The following DOCK3 variants were observed in gnomAD, a reference collection of about 807,000 sequenced individuals.
DOCK3 encodes dedicator of cytokinesis 3, also known as dedicator of cytokinesis protein 3.
A neutral mutation model predicts 265.6 loss-of-function variants in DOCK3; 60 were observed. The ratio of observed to expected loss-of-function variants is 0.23; its 90% CI spans 0.18 to 0.28. The LOEUF is 0.28. Ranked by LOEUF, DOCK3 falls within the 10% of genes least tolerant of loss-of-function variation. DOCK3 has a pLI of 1.00. For synonymous variants in DOCK3, 881 were observed against 938.0 expected, an observed-to-expected ratio of 0.94 and a Z score of 1.11; for missense variants, 1,981 against 2,594.3, an observed-to-expected ratio of 0.76 and a Z score of 5.14.
chr3:50,700,742 G>A (rs2035986331), intron 1 of DOCK3, among the ~76,000 whole-genome samples: 1 of 152,186 alleles, frequency 6.6e-6, no homozygotes, highest in Non-Finnish European at 1.5e-5. Flanking sequence ...TGATAAACAT[G>A]AGAGTGCCAG....
At chr3:51,276,308 C>A in intron 25 of DOCK3, 1 of 953,476 alleles carries the variant, frequency 1.0e-6, no homozygotes, top group Non-Finnish European at 1.2e-6. Flanking sequence ...TCCCACCAGG[C>A]CTCAGAGAAG....
chr3:50,719,226 C>T lies in DOCK3; in HGVS notation c.37+43926C>T, dbSNP rs181273573. Reference sequence around the variant, plus strand: ...GATCAAGTTTTACATGTCTATTATACTCTTACTTGTTTTTTCCTCTCTGTT... The same window carrying T: ...GATCAAGTTTTACATGTCTATTATATTCTTACTTGTTTTTTCCTCTCTGTT... On this transcript the variant is annotated intron_variant, in intron 1 of 52. Transcript: ENST00000266037. Among the ~76,000 whole-genome samples the T allele has an allele frequency of 3.3e-3, 491 of 149,794 alleles. 7 individuals carry two copies. The highest frequency in any genetic ancestry group is 0.011 in the African/African-American group (449 of 40,854).
At position 50,869,189 on chromosome 3, in the gene DOCK3, T is replaced by C. The variant is rs1256458958; in HGVS notation, c.163-20837T>C. On this transcript the variant is annotated intron_variant, in intron 3 of 52. Coordinates refer to ENST00000266037, the MANE Select transcript of DOCK3 (RefSeq NM_004947.5). ...CGGGGTTTCACTGTGTTAGCCAGGA[T>C]GGTCTGGATCTCCTGACCTCATGAT... Among the ~76,000 whole-genome samples the C allele has an allele frequency of 3.3e-5, 5 of 151,468 alleles. No homozygotes were observed. The East Asian group carries it at 7.8e-4, about 24-fold the overall frequency.
chr3:51,370,611 C>G lies in DOCK3; in HGVS notation c.5294-3858C>G, dbSNP rs188965499. On this transcript the variant is annotated intron_variant, in intron 49 of 52. Transcript: ENST00000266037. ...AATGCTCAGTGAGGAACCTGCATGGCTCTTGCCACGGGGGCAGGTGGTGCA... is the reference window on the plus strand; with the variant it reads ...AATGCTCAGTGAGGAACCTGCATGGGTCTTGCCACGGGGGCAGGTGGTGCA... 2.3e-3 allele frequency among the ~76,000 whole-genome samples: 356 copies of G among 152,348 alleles called. 8 individuals carry two copies. The highest frequency in any genetic ancestry group is 0.023 in the Admixed American group (353 of 15,300).
At chr3:51,325,860 A>C (rs2084071305) in intron 32 of DOCK3, among the ~76,000 whole-genome samples, 1 of 152,192 alleles carries the variant, frequency 6.6e-6, no homozygotes, top group Non-Finnish European at 1.5e-5. Context: ...GGAGCTGAAC[A>C]ATGAGAACAC....
At chr3:50,795,867 T>A (rs1055158074) in intron 2 of DOCK3, among the ~76,000 whole-genome samples, 1 of 152,220 alleles carries the variant, frequency 6.6e-6, no homozygotes, top group Non-Finnish European at 1.5e-5. Context: ...CTATACTGGC[T>A]ATTTTGACTT....
In DOCK3 at chr3:51,359,114, A is replaced by T. The variant is rs929537926; in HGVS notation, c.4884+1037A>T. 6.6e-6 allele frequency among the ~76,000 whole-genome samples: 1 copy of T among 152,208 alleles called. No individual in the cohort carries two copies. The highest frequency in any genetic ancestry group is 2.4e-5 in the African/African-American group (1 of 41,446). On this transcript the variant is annotated intron_variant, in intron 46 of 52. Transcript: ENST00000266037. The surrounding 1 kb of genome is among the most constrained non-coding windows in gnomAD (Gnocchi z 4.8). ...TGCACGAGGTTGTCATGAGCAAAAA[A>T]TTCCCCCTCTAGGGATAACCATGGC...
intron 5 of DOCK3, among the ~76,000 whole-genome samples, chr3:51,010,119 A>G (rs986454139): frequency 2.0e-5 from 3 of 152,194 alleles, no homozygotes; most frequent in Admixed American, 2.0e-4. Context: ...AGAGTTCTAT[A>G]GATGTCTATT....
chr3:50,858,820 A>C (rs1267610560), intron 3 of DOCK3, among the ~76,000 whole-genome samples: 1 of 151,868 alleles, frequency 6.6e-6, no homozygotes, highest in South Asian at 2.1e-4. Context: ...TTTTTACATA[A>C]TTTTATACTT....
intron 9 of DOCK3, among the ~76,000 whole-genome samples, chr3:51,133,793 G>A (rs2084670446): frequency 6.6e-6 from 1 of 152,118 alleles, no homozygotes; most frequent in Admixed American, 6.5e-5. Context: ...GGGTCAGGCT[G>A]AATTTATTGA....
chr3:51,361,972 C>T lies in DOCK3; in HGVS notation c.5120C>T (p.Pro1707Leu). The change falls in exon 48 of 53, where the codon CCT (proline) becomes CTT (leucine). Residue 1707 changes from proline to leucine, a missense_variant. Coordinates refer to ENST00000266037, the MANE Select transcript of DOCK3 (RefSeq NM_004947.5). This position sits in a 1 kb window ranked among gnomAD's most constrained non-coding sequence, Gnocchi z 4.2. ...GGTGACGGCTCCATGGGTGATGCTC[C>T]TGAGGACCTGTACCACCACATGCAG... is the stretch of plus-strand genomic sequence containing the variant. ...MLGDGSMGDAPEDLYHHMQLA... is the reference protein window; with the variant it reads ...MLGDGSMGDALEDLYHHMQLA... 6.2e-7 allele frequency: 1 copy of T among 1,609,890 alleles called. No homozygotes were observed. The highest frequency in any genetic ancestry group is 1.1e-5 in the South Asian group (1 of 89,964).
At chr3:50,903,475 T>C (rs1438575031) in intron 4 of DOCK3, among the ~76,000 whole-genome samples, 1 of 152,212 alleles carries the variant, frequency 6.6e-6, no homozygotes, top group African/African-American at 2.4e-5. Context: ...CATTTATTGA[T>C]TTGCATATGT....
At chr3:50,978,854 G>GT (rs1174271585) in intron 5 of DOCK3, among the ~76,000 whole-genome samples, 1 of 152,192 alleles carries the variant, frequency 6.6e-6, no homozygotes, top group Admixed American at 6.5e-5. Context: ...GTGGTGTGCC[G>GT]TTTTTTAAGC....
intron 9 of DOCK3, among the ~76,000 whole-genome samples, chr3:51,095,191 A>G (rs927042842): frequency 4.6e-5 from 7 of 151,890 alleles, no homozygotes; most frequent in African/African-American, 9.7e-5. Flanking sequence ...TGTGAATTTG[A>G]TCCTGTCATT....
intron 49 of DOCK3, among the ~76,000 whole-genome samples, chr3:51,365,834 A>T (rs970893488): frequency 1.6e-4 from 25 of 152,202 alleles, no homozygotes; most frequent in African/African-American, 6.0e-4. Context: ...CCAGGGATGA[A>T]GCTCCCTTGA....
At chr3:51,339,708 A>G (rs946437959) in intron 37 of DOCK3, among the ~76,000 whole-genome samples, 10 of 152,326 alleles carry the variant, frequency 6.6e-5, no homozygotes, top group Middle Eastern at 3.4e-3. Flanking sequence ...GGTTACGTGC[A>G]TGCATGTGTG....
chr3:51,286,695 G>T (rs1454651218), intron 27 of DOCK3, among the ~76,000 whole-genome samples: 2 of 152,056 alleles, frequency 1.3e-5, no homozygotes, highest in Non-Finnish European at 2.9e-5. Flanking sequence ...TTACAACAAA[G>T]TTGACAAAAA....
intron 8 of DOCK3, 141 bp downstream of exon 8, chr3:51,089,425 C>T: frequency 1.2e-5 from 13 of 1,043,016 alleles, no homozygotes; most frequent in Non-Finnish European, 1.8e-5. Context: ...GCTTTGACCT[C>T]TAAACAGTTT....
chr3:51,019,165 T>TA (rs1406512445), intron 5 of DOCK3, among the ~76,000 whole-genome samples: 31 of 152,008 alleles, frequency 2.0e-4, no homozygotes, highest in African/African-American at 7.3e-4. Context: ...CCTTTATACC[T>TA]AGCGCTTTTT....
Sources: gnomAD v4.1 joint callset for allele counts (sites outside exome capture counted in the v4.1 genomes callset) on GRCh38, gnomAD v4.1.1 for gene constraint, Gnocchi (gnomAD v3.1) non-coding constraint, MANE v1.5 for transcripts, NCBI Gene and HGNC (gene_info 2026-07-23, HGNC 2026-07-21) for gene names.